SLC7A11: variants seen among roughly 807,000 people sequenced by gnomAD.
The protein encoded by SLC7A11 is solute carrier family 7 member 11.
A neutral mutation model predicts 54.5 loss-of-function variants in SLC7A11; 35 were observed. The ratio of observed to expected loss-of-function variants is 0.64; its 90% confidence interval spans 0.49 to 0.85. The LOEUF (loss-of-function observed/expected upper bound fraction) is 0.85, where lower values mean the gene tolerates loss of function less well. Ranked by LOEUF, SLC7A11 falls within the 40% of genes least tolerant of loss-of-function variation. The probability of loss-of-function intolerance (pLI) is 0.00; values close to 1 mark genes in which losing one functional copy is unlikely to be tolerated. For missense variants in SLC7A11, 583 were observed against 618.1 expected (o/e 0.94, Z 0.60); for synonymous variants, 230 against 225.2 (o/e 1.02, Z -0.19).
chr4:138,188,315 G>A (rs1438533734), intron 6 of SLC7A11, among the ~76,000 whole-genome samples: 2 of 152,042 alleles, frequency 1.3e-5, no homozygotes, highest in African/African-American at 2.4e-5. Context: ...CTCCTGCCTC[G>A]GCCTACCAAA....
At chr4:138,232,730 G>A (rs1319514991) in intron 2 of SLC7A11, among the ~76,000 whole-genome samples, 1 of 152,146 alleles carries the variant, frequency 6.6e-6, no homozygotes, top group African/African-American at 2.4e-5. Context: ...CAAAAAGTCA[G>A]TAAGTAAACT....
In SLC7A11 at chr4:138,185,082, A is replaced by G. The variant is rs375626747; in HGVS notation, c.915+39T>C. On this transcript the variant is annotated intron_variant, in intron 7 of 11. Transcript: ENST00000280612. Reference sequence around the variant, plus strand: ...ACTATAAAATTGCATCAGCTCATTAACCTAAATTCCAATTGGCATTTTCCC... The same window carrying G: ...ACTATAAAATTGCATCAGCTCATTAGCCTAAATTCCAATTGGCATTTTCCC... The G allele has an allele frequency of 1.5e-5, 24 of 1,610,264 alleles. No homozygotes were observed. The African/African-American group carries it at 2.9e-4, about 20-fold the overall frequency.
At chr4:138,207,022 G>A (rs1737427427) in intron 6 of SLC7A11, among the ~76,000 whole-genome samples, 1 of 142,010 alleles carries the variant, frequency 7.0e-6, no homozygotes. Flanking sequence ...ACCCCCAGAG[G>A]GATTCTAATT....
At chr4:138,230,655 A>G (rs1738055700) in intron 3 of SLC7A11, among the ~76,000 whole-genome samples, 1 of 152,200 alleles carries the variant, frequency 6.6e-6, no homozygotes, top group Admixed American at 6.5e-5. Context: ...TGTAACCACT[A>G]TGCTCAAATG....
In SLC7A11 at chr4:138,188,655, C is replaced by G. The variant is rs149169275; in HGVS notation, c.792-3411G>C. 2.5e-3 allele frequency among the ~76,000 whole-genome samples: 377 copies of G among 152,250 alleles called. 1 individual carries two copies. Among genetic ancestry groups the G allele is most frequent in the African/African-American group, 8.8e-3 (367 of 41,546 alleles). On this transcript the variant is annotated intron_variant, in intron 6 of 11. Transcript: ENST00000280612. ...GAGCAATCTTTCTGGAGGCTTTAGACGCACAGCGCAGATAGCATTACTAGT... is the reference window on the plus strand; with the variant it reads ...GAGCAATCTTTCTGGAGGCTTTAGAGGCACAGCGCAGATAGCATTACTAGT...
At position 138,166,514 on chromosome 4, in the gene SLC7A11, C is replaced by T. The variant is rs962060401; in HGVS notation, c.*5442G>A. 7.2e-5 allele frequency: 11 copies of T among 152,530 alleles called. No individual in the cohort carries two copies. Among genetic ancestry groups the T allele is most frequent in the African/African-American group, 2.2e-4 (9 of 41,422 alleles). 9.4% of individuals were successfully genotyped at this position (152,530 alleles called of 1,614,324 possible). A position where few individuals can be genotyped will look rare whatever the true frequency, so the allele number is the denominator to read the frequency against. On this transcript the variant is annotated 3_prime_UTR_variant, in exon 12 of 12. Coordinates refer to ENST00000280612, the MANE Select transcript of SLC7A11 (RefSeq NM_014331.4). The stretch of plus-strand genomic sequence containing the variant: ...TAGCAAGCAGTTCTCCTAACCAATA[C>T]ATTAATTCACTTGAAAGTCATACTT...
At chr4:138,213,136 C>T (rs1308948114) in intron 6 of SLC7A11, among the ~76,000 whole-genome samples, 1 of 151,988 alleles carries the variant, frequency 6.6e-6, no homozygotes, top group Non-Finnish European at 1.5e-5. Flanking sequence ...CTTGTCATTT[C>T]CAAGTAACGC....
intron 4 of SLC7A11, among the ~76,000 whole-genome samples, chr4:138,222,984 C>T (rs1457706852): frequency 1.3e-5 from 2 of 151,784 alleles, no homozygotes; most frequent in African/African-American, 4.8e-5. Flanking sequence ...TATTTTGTTG[C>T]ATGGCCCATT....
intron 6 of SLC7A11, among the ~76,000 whole-genome samples, chr4:138,203,927 A>G (rs944421934): frequency 1.1e-4 from 16 of 151,964 alleles, no homozygotes; most frequent in African/African-American, 3.6e-4. Flanking sequence ...TCCTACTACT[A>G]TCTTGATTTT....
chr4:138,182,930 C>T (rs1475644886), intron 8 of SLC7A11, among the ~76,000 whole-genome samples: 2 of 151,930 alleles, frequency 1.3e-5, no homozygotes. Flanking sequence ...AATTATATCA[C>T]CAGAAATAAA....
chr4:138,200,371 T>C (rs971572422), intron 6 of SLC7A11, among the ~76,000 whole-genome samples: 1 of 152,152 alleles, frequency 6.6e-6, no homozygotes, highest in Admixed American at 6.6e-5. Flanking sequence ...CTGAAATGGA[T>C]TAACTTACTT....
intron 6 of SLC7A11, among the ~76,000 whole-genome samples, chr4:138,186,874 T>C (rs114821917): frequency 0.024 from 3,662 of 152,234 alleles, 57 homozygotes; most frequent in Non-Finnish European, 0.031. Flanking sequence ...TTTCAGCTTT[T>C]ATAAGATCCC....
Position 138,241,788 on chromosome 4 carries a change from C to T in SLC7A11, c.277+5G>A. 1.0e-5 allele frequency: 16 copies of T among 1,606,958 alleles called. No individual in the cohort carries two copies. Among genetic ancestry groups the T allele is most frequent in the Non-Finnish European group, 1.3e-5 (15 of 1,174,006 alleles). ...CGCCCCCACGAGAGAAAAAGTCGCACTCACCAAATAGTGACAGGACCCCAC... is the reference window on the plus strand; with the variant it reads ...CGCCCCCACGAGAGAAAAAGTCGCATTCACCAAATAGTGACAGGACCCCAC... On this transcript the variant is annotated splice_donor_5th_base_variant and intron_variant, in intron 1 of 11. Transcript: ENST00000280612.
rs1346760046 is a variant in SLC7A11 at position 138,237,719 on chromosome 4, ATATATATATATATATATATTTTTT to A, written c.278-1292_278-1269del. Among the ~76,000 whole-genome samples, 64 of 7,522 alleles carry A rather than the reference ATATATATATATATATATATTTTTT, an allele frequency of 8.5e-3. 1 individual carries two copies. The highest frequency in any genetic ancestry group is 0.025 in the African/African-American group (61 of 2,468). 4.9% of individuals were successfully genotyped at this position (7,522 alleles called of 152,430 possible). On this transcript the variant is annotated intron_variant, in intron 1 of 11. Coordinates refer to ENST00000280612, the MANE Select transcript of SLC7A11 (RefSeq NM_014331.4). ...AGCCAGAATATATATATATATATAT[ATATATATATATATATATATTTTTT>A]TTTTTTTTTTTTTTTTTTTTTTTTT...
chr4:138,183,355 T>TA (rs1429649334), intron 7 of SLC7A11, 50 bp from the exon 8 acceptor site: 2 of 1,280,170 alleles, frequency 1.6e-6, no homozygotes, highest in South Asian at 2.5e-5. Context: ...GAAAGTGGAA[T>TA]AAAATGAAAC....
At position 138,179,278 on chromosome 4, in the gene SLC7A11, G is replaced by C; in HGVS notation, c.1383C>G (p.Val461=). 1 of 1,612,556 alleles carries C rather than the reference G, an allele frequency of 6.2e-7. No individual in the cohort carries two copies. The highest frequency in any genetic ancestry group is 8.5e-7 in the Non-Finnish European group (1 of 1,178,942). Residue 461 remains valine (V), a synonymous_variant, in exon 11 of 12, where the codon GTC becomes GTG. Transcript: ENST00000280612. ...ATATAATAAAGAGATAATACGCAGG[G>C]ACTCCAGTCAGAGTGATGACGAAGC... ...GIGFVITLTG[V]PAYYLFIIWD... is the part of the protein sequence containing the mutation.
At chr4:138,189,443 C>G (rs1283218693) in intron 6 of SLC7A11, among the ~76,000 whole-genome samples, 1 of 152,066 alleles carries the variant, frequency 6.6e-6, no homozygotes, top group Non-Finnish European at 1.5e-5. Flanking sequence ...AGCGGGAGGG[C>G]TGGAACCAGA....
chr4:138,230,287 G>GA (rs1043886244), intron 3 of SLC7A11, among the ~76,000 whole-genome samples: 8 of 151,362 alleles, frequency 5.3e-5, no homozygotes, highest in African/African-American at 1.7e-4. Context: ...GAGAGAATCA[G>GA]AAAAAAATAG....
chr4:138,193,376 G>C (rs780083098), intron 6 of SLC7A11, among the ~76,000 whole-genome samples: 13 of 152,108 alleles, frequency 8.5e-5, no homozygotes, highest in Non-Finnish European at 1.9e-4. Flanking sequence ...CTAGTTTTAT[G>C]TATTGACATT....
Sources: gnomAD v4.1 joint callset for allele counts (sites outside exome capture counted in the v4.1 genomes callset) on GRCh38, gnomAD v4.1.1 for gene constraint, MANE v1.5 for transcripts, NCBI Gene and HGNC (gene_info 2026-07-23, HGNC 2026-07-21) for gene names.